ACADM: variants seen among roughly 807,000 people sequenced by gnomAD.
ACADM encodes acyl-CoA dehydrogenase medium chain.
A neutral mutation model predicts 58.9 loss-of-function variants in ACADM; 49 were observed. The observed-to-expected ratio is 0.83, with a 90% CI of 0.66 to 1.06. The LOEUF (loss-of-function observed/expected upper bound fraction) is 1.06. Ranked by LOEUF, ACADM falls within the 50% of genes least tolerant of loss-of-function variation. The pLI is 0.00. For missense variants in ACADM, 496 were observed against 507.0 expected (o/e 0.98, Z 0.21); for synonymous variants, 160 against 157.7 (o/e 1.01, Z -0.11).
At chr1:75,756,103 A>C (rs1052790245) in intron 10 of ACADM, among the ~76,000 whole-genome samples, 4 of 152,210 alleles carry the variant, frequency 2.6e-5, no homozygotes, top group Non-Finnish European at 5.9e-5. Context: ...CCCACAGCCA[A>C]TATCATACTG....
intron 8 of ACADM, among the ~76,000 whole-genome samples, chr1:75,746,364 A>G (rs922044956): frequency 4.6e-5 from 7 of 152,190 alleles, no homozygotes; most frequent in African/African-American, 1.7e-4. Flanking sequence ...AAAAAAGTCT[A>G]TGCCTGAAAA....
chr1:75,737,296 A>T lies in ACADM; in HGVS notation c.468+2425A>T, dbSNP rs1344018922. Among the ~76,000 whole-genome samples the T allele has an allele frequency of 1.4e-3, 133 of 91,788 alleles. 4 individuals carry two copies. Among genetic ancestry groups the T allele is most frequent in the African/African-American group, 5.0e-3 (124 of 24,962 alleles). 60.2% of individuals were successfully genotyped at this position (91,788 alleles called of 152,430 possible). A position where few individuals can be genotyped will look rare whatever the true frequency, so the allele number is the denominator to read the frequency against. On this transcript the variant is annotated intron_variant, in intron 6 of 11. Transcript: ENST00000370841. Reference sequence around the variant, plus strand: ...CACACACAAATATATATATATATATATATATATATATATATATATATATAT... The same window carrying T: ...CACACACAAATATATATATATATATTTATATATATATATATATATATATAT...
At chr1:75,739,131 T>C (rs1647429028) in intron 6 of ACADM, among the ~76,000 whole-genome samples, 1 of 152,210 alleles carries the variant, frequency 6.6e-6, no homozygotes, top group African/African-American at 2.4e-5. Context: ...CCATTACTTG[T>C]ACCTGGAATG....
intron 10 of ACADM, among the ~76,000 whole-genome samples, chr1:75,756,234 G>A (rs888539588): frequency 6.6e-6 from 1 of 152,146 alleles, no homozygotes; most frequent in Non-Finnish European, 1.5e-5. Flanking sequence ...GCAAGAGAAG[G>A]AAATAAAGGG....
At chr1:75,725,263 A>AACCT (rs1553121978) in intron 1 of ACADM, among the ~76,000 whole-genome samples, 14,334 of 151,532 alleles carry the variant, frequency 0.095, 750 homozygotes, top group African/African-American at 0.13. Flanking sequence ...TAAAAAAAAA[A>AACCT]CCTGCAGAAT....
intron 11 of ACADM, 200 bp downstream of exon 11, chr1:75,761,570 AGGCT>A: frequency 8.0e-6 from 5 of 622,466 alleles, no homozygotes; most frequent in Admixed American, 5.7e-5. Context: ...AAGAGAGAAT[AGGCT>A]AAAAAAAATG....
intron 7 of ACADM, among the ~76,000 whole-genome samples, chr1:75,742,209 T>C (rs1647613836): frequency 7.5e-6 from 1 of 132,768 alleles, no homozygotes; most frequent in Non-Finnish European, 1.6e-5. Flanking sequence ...CACTCTCTAC[T>C]GGCCCTAGTG....
intron 1 of ACADM, among the ~76,000 whole-genome samples, chr1:75,725,099 T>C (rs1364274408): frequency 6.6e-6 from 1 of 152,094 alleles, no homozygotes; most frequent in East Asian, 1.9e-4. Context: ...CTCCAAATAT[T>C]TACCGCGGGA....
chr1:75,730,845 A>G (rs775991348), intron 2 of ACADM, among the ~76,000 whole-genome samples: 5 of 152,042 alleles, frequency 3.3e-5, no homozygotes. Flanking sequence ...CCCTCTATCT[A>G]CCTGCAAGAT....
chr1:75,733,311 T>A lies in ACADM; in HGVS notation c.287-217T>A, dbSNP rs1375983512. 4.4e-6 allele frequency: 5 copies of A among 1,134,286 alleles called. No homozygotes were observed. The East Asian group carries it at 1.3e-4, about 29-fold the overall frequency. The allele number at this position is 1,134,286 out of a possible 1,614,324, so 70.3% of individuals were successfully genotyped here. A position where few individuals can be genotyped will look rare whatever the true frequency, so the allele number is the denominator to read the frequency against. ...AATCAAGTTAGAACAGGAATACAGG[T>A]TCAAATTACAAATAGTAAAATAATT... On this transcript the variant is annotated intron_variant, in intron 4 of 11. Coordinates refer to ENST00000370841, the MANE Select transcript of ACADM (RefSeq NM_000016.6).
intron 10 of ACADM, among the ~76,000 whole-genome samples, chr1:75,760,898 G>A (rs576559119): frequency 2.0e-5 from 3 of 152,010 alleles, no homozygotes; most frequent in East Asian, 1.9e-4. Flanking sequence ...CCTAAAATTC[G>A]TTAATGAAAA....
At chr1:75,748,627 C>T (rs970733981) in intron 8 of ACADM, among the ~76,000 whole-genome samples, 5 of 152,076 alleles carry the variant, frequency 3.3e-5, no homozygotes, top group African/African-American at 9.7e-5. Context: ...ACACAGAAAG[C>T]GGACTTTATT....
intron 6 of ACADM, 72 bp from the exon 7 acceptor site, chr1:75,739,908 A>G: frequency 1.8e-6 from 2 of 1,120,028 alleles, no homozygotes; most frequent in South Asian, 1.6e-5. Context: ...AAATAAAACA[A>G]TCCTGTTTCC....
At chr1:75,730,654 C>T (rs931092526) in intron 2 of ACADM, among the ~76,000 whole-genome samples, 5 of 151,384 alleles carry the variant, frequency 3.3e-5, no homozygotes, top group African/African-American at 1.2e-4. Context: ...GCAGTTAGGA[C>T]AATAGGTCCA....
chr1:75,730,091 C>T (rs1278333244), intron 2 of ACADM, among the ~76,000 whole-genome samples: 4 of 151,652 alleles, frequency 2.6e-5, no homozygotes, highest in Admixed American at 6.6e-5. Flanking sequence ...TATGAGGTTT[C>T]GCCATGTTGG....
intron 10 of ACADM, among the ~76,000 whole-genome samples, chr1:75,754,626 T>C (rs968918831): frequency 6.6e-6 from 1 of 152,242 alleles, no homozygotes; most frequent in Non-Finnish European, 1.5e-5. Context: ...TTAGAAAATA[T>C]ACAATGATCT....
chr1:75,729,695 C>T (rs1179380534), intron 2 of ACADM, among the ~76,000 whole-genome samples: 2 of 148,302 alleles, frequency 1.3e-5, no homozygotes, highest in Non-Finnish European at 3.0e-5. Flanking sequence ...GGTTTTGCCA[C>T]GTTGGCCAGG....
In ACADM at chr1:75,724,804, G is replaced by A. The variant is rs372088389; in HGVS notation, c.17G>A (p.Gly6Glu). ...GGAGCCAACATGGCAGCGGGGTTCGGGCGATGCTGCAGGGTGAGAGGGAGC... is the reference window on the plus strand; with the variant it reads ...GGAGCCAACATGGCAGCGGGGTTCGAGCGATGCTGCAGGGTGAGAGGGAGC... MAAGF[G>E]RCCRVLRSIS... Residue 6 changes from glycine to glutamate, a missense_variant, in exon 1 of 12, where the codon GGG becomes GAG. By Grantham distance (98) the Gly-to-Glu change is moderately conservative. Transcript: ENST00000370841. 1.3e-6 allele frequency: 2 copies of A among 1,522,426 alleles called. No individual in the cohort carries two copies. The highest frequency in any genetic ancestry group is 1.4e-5 in the African/African-American group (1 of 70,006). 94.3% of individuals were successfully genotyped at this position (1,522,426 alleles called of 1,614,324 possible).
At chr1:75,731,295 AAAAAAAAAAAG>A in intron 2 of ACADM, among the ~76,000 whole-genome samples, 1 of 150,872 alleles carries the variant, frequency 6.6e-6, no homozygotes, top group African/African-American at 2.4e-5. Context: ...AAAAAAAAAA[AAAAAAAAAAAG>A]AGATTTGATC....
Sources: allele counts gnomAD v4.1 joint callset (sites outside exome capture counted in the v4.1 genomes callset), GRCh38; gene constraint gnomAD v4.1.1; transcripts MANE v1.5; gene names NCBI Gene and HGNC (gene_info 2026-07-23, HGNC 2026-07-21).